Variants in PEAK1 observed in about 807,000 individuals in gnomAD.
PEAK1 encodes pseudopodium enriched atypical kinase 1.
A neutral mutation model predicts 124.7 loss-of-function variants in PEAK1; 54 were observed. The observed-to-expected ratio is 0.43, with a 90% confidence interval of 0.35 to 0.54. The LOEUF (loss-of-function observed/expected upper bound fraction) is 0.54. PEAK1 is among the 20% of genes least tolerant of loss of function. The pLI is 0.01. For missense variants in PEAK1, 2,046 were observed against 2,134.5 expected, an observed-to-expected ratio of 0.96 and a Z score of 0.82; for synonymous variants, 719 against 760.0, an observed-to-expected ratio of 0.95 and a Z score of 0.89.
chr15:77,114,299 T>C lies in PEAK1; in HGVS notation c.5098A>G (p.Thr1700Ala), dbSNP rs1167778892. ...LLQNWLDIKRTLLMIKFAEKS... is the reference protein window; with the variant it reads ...LLQNWLDIKRALLMIKFAEKS... ...TCAGCAAACTTGATCATGAGCAGTG[T>C]TCGCTTGATGTCTAGCCAGTTTTGG... The change falls in exon 10 of 10, where the codon ACA becomes GCA. Residue 1700 changes from threonine to alanine, a missense_variant. Physicochemically the swap from Thr to Ala is moderately conservative, Grantham distance 58. Transcript: ENST00000682557. 1.2e-6 allele frequency: 2 copies of C among 1,614,218 alleles called. No homozygotes were observed. Among genetic ancestry groups the C allele is most frequent in the East Asian group, 4.5e-5 (2 of 44,884 alleles).
intron 5 of PEAK1, among the ~76,000 whole-genome samples, chr15:77,266,435 A>T (rs1423898669): frequency 6.6e-6 from 1 of 152,018 alleles, no homozygotes; most frequent in Non-Finnish European, 1.5e-5. Flanking sequence ...GATGATTAGG[A>T]CCCTGAACTT....
chr15:77,115,973 T>A (rs996625073), intron 9 of PEAK1, among the ~76,000 whole-genome samples: 2 of 152,196 alleles, frequency 1.3e-5, no homozygotes, highest in Non-Finnish European at 2.9e-5. Flanking sequence ...AAAGCCAACA[T>A]TTCAATGGTG....
intron 9 of PEAK1, among the ~76,000 whole-genome samples, chr15:77,124,242 T>C (rs1170740223): frequency 2.6e-5 from 4 of 152,266 alleles, no homozygotes; most frequent in Non-Finnish European, 5.9e-5. Flanking sequence ...GTCACTTAGA[T>C]GTGTGGGCCT....
chr15:77,118,360 G>A (rs539352190), intron 9 of PEAK1, among the ~76,000 whole-genome samples: 407 of 151,902 alleles, frequency 2.7e-3, no homozygotes, highest in African/African-American at 9.6e-3. Flanking sequence ...TTAGGTAGGA[G>A]TATTATATTA....
At chr15:77,266,527 CTT>C (rs1238306933) in intron 5 of PEAK1, among the ~76,000 whole-genome samples, 1 of 152,114 alleles carries the variant, frequency 6.6e-6, no homozygotes, top group Non-Finnish European at 1.5e-5. Context: ...AAACAGAAGA[CTT>C]AAATGAAATG....
At chr15:77,318,240 C>T (rs919570890) in intron 2 of PEAK1, among the ~76,000 whole-genome samples, 1 of 151,982 alleles carries the variant, frequency 6.6e-6, no homozygotes, top group Non-Finnish European at 1.5e-5. Context: ...ATACCACTGT[C>T]GATTTTACGG....
intron 9 of PEAK1, among the ~76,000 whole-genome samples, chr15:77,131,600 G>A (rs2052866018): frequency 6.6e-6 from 1 of 152,188 alleles, no homozygotes; most frequent in East Asian, 1.9e-4. Flanking sequence ...TTCCTCATAT[G>A]TCAAATGGAG....
chr15:77,289,302 A>G (rs1305229342), intron 2 of PEAK1, among the ~76,000 whole-genome samples: 1 of 152,182 alleles, frequency 6.6e-6, no homozygotes, highest in East Asian at 1.9e-4. Context: ...AAATTATAAC[A>G]CATCTCTATA....
In PEAK1 at chr15:77,227,233, CA is replaced by C. The variant is rs1479286187; in HGVS notation, c.-115+25133del. Among the ~76,000 whole-genome samples the C allele has an allele frequency of 2.6e-5, 4 of 152,212 alleles. No individual in the cohort carries two copies. In the East Asian group the frequency reaches 7.7e-4, roughly 29 times the overall value. The stretch of plus-strand genomic sequence containing the variant: ...TATCATTTTGTAATTACTTGTTTTT[CA>C]GCAAATTTACCATTCTTATTACATA... On this transcript the variant is annotated intron_variant, in intron 6 of 9. Coordinates refer to ENST00000682557, the MANE Select transcript of PEAK1 (RefSeq NM_001385026.1).
chr15:77,285,773 C>T lies in PEAK1; in HGVS notation c.-521+650G>A, dbSNP rs559715444. ...CTCTTTTCTTCATTAGTCTGGCTAG[C>T]GGTCTATTTTGCTGATCTTTTCAAA... On this transcript the variant is annotated intron_variant, in intron 3 of 9. Transcript: ENST00000682557. Among the ~76,000 whole-genome samples the T allele has an allele frequency of 7.3e-4, 111 of 152,058 alleles. No homozygotes were observed. In the South Asian group the frequency reaches 0.022, roughly 30 times the overall value.
intron 6 of PEAK1, among the ~76,000 whole-genome samples, chr15:77,186,724 G>A (rs561299204): frequency 5.9e-5 from 9 of 152,208 alleles, no homozygotes; most frequent in Admixed American, 1.3e-4. Flanking sequence ...CCTTAACCAC[G>A]AGGGCTTCAT....
intron 6 of PEAK1, among the ~76,000 whole-genome samples, chr15:77,226,044 G>GATATATATTATATATAT (rs2059630724): frequency 2.2e-5 from 1 of 44,996 alleles, no homozygotes. Flanking sequence ...AAAATAAAGG[G>GATATATATTATATATAT]ATATATATAT....
intron 2 of PEAK1, among the ~76,000 whole-genome samples, chr15:77,354,448 C>T (rs561164442): frequency 6.6e-6 from 1 of 152,200 alleles, no homozygotes; most frequent in African/African-American, 2.4e-5. Context: ...TCCAAAATAT[C>T]TTTCATACTA....
In PEAK1 at chr15:77,250,687, C is replaced by T. The variant is rs140326683; in HGVS notation, c.-115+1680G>A. Reference sequence around the variant, plus strand: ...TGACCTTGTGATCTGCCTGCCTCAGCCTCCCAAAGTGCTGGGATTACAGGC... The same window carrying T: ...TGACCTTGTGATCTGCCTGCCTCAGTCTCCCAAAGTGCTGGGATTACAGGC... On this transcript the variant is annotated intron_variant, in intron 6 of 9. Transcript: ENST00000682557. Among the ~76,000 whole-genome samples, 647 of 152,222 alleles carry T rather than the reference C, an allele frequency of 4.3e-3. 4 individuals carry two copies. Among genetic ancestry groups the T allele is most frequent in the African/African-American group, 0.015 (618 of 41,526 alleles).
chr15:77,237,830 G>A (rs1258871673), intron 6 of PEAK1, among the ~76,000 whole-genome samples: 1 of 151,858 alleles, frequency 6.6e-6, no homozygotes, highest in East Asian at 1.9e-4. Flanking sequence ...TCTTTTAATT[G>A]AATGAGTTTT....
chr15:77,171,490 G>A lies in PEAK1; in HGVS notation c.3137+7300C>T, dbSNP rs556836764. 6.6e-5 allele frequency among the ~76,000 whole-genome samples: 10 copies of A among 152,180 alleles called. 1 individual carries two copies. In the South Asian group the frequency reaches 2.1e-3, roughly 32 times the overall value. On this transcript the variant is annotated intron_variant, in intron 7 of 9. Coordinates refer to ENST00000682557, the MANE Select transcript of PEAK1 (RefSeq NM_001385026.1). ...TTAAAAAAAAAAGTAGATCTCATAGGAGTAAAAAGTAGAAGAGAGAATACG... is the reference window on the plus strand; with the variant it reads ...TTAAAAAAAAAAGTAGATCTCATAGAAGTAAAAAGTAGAAGAGAGAATACG...
chr15:77,134,882 C>T (rs1034348715), intron 8 of PEAK1, among the ~76,000 whole-genome samples: 13 of 152,116 alleles, frequency 8.5e-5, no homozygotes, highest in South Asian at 2.1e-4. Flanking sequence ...GTCATTAGGA[C>T]GGGCCCTAAT....
At chr15:77,258,118 T>C (rs996507222) in intron 5 of PEAK1, among the ~76,000 whole-genome samples, 6 of 152,208 alleles carry the variant, frequency 3.9e-5, no homozygotes, top group African/African-American at 1.2e-4. Context: ...CCATGCTGTT[T>C]TGGTTACTGT....
chr15:77,177,251 C>T (rs966373327), intron 7 of PEAK1, among the ~76,000 whole-genome samples: 14 of 152,122 alleles, frequency 9.2e-5, no homozygotes, highest in Admixed American at 6.5e-5. Context: ...CCACCACACC[C>T]GGCCCTGAAA....
Sources: gnomAD v4.1 joint callset for allele counts (sites outside exome capture counted in the v4.1 genomes callset) on GRCh38, gnomAD v4.1.1 for gene constraint, MANE v1.5 for transcripts, NCBI Gene and HGNC (gene_info 2026-07-23, HGNC 2026-07-21) for gene names.